Variants in WDFY3 observed in about 807,000 individuals in gnomAD.
WDFY3 encodes WD repeat and FYVE domain-containing protein 3.
A neutral mutation model predicts 409.6 loss-of-function variants in WDFY3; 66 were observed. The observed-to-expected ratio is 0.16, with a 90% confidence interval of 0.13 to 0.20. The LOEUF is 0.20. Among genes scored for constraint, WDFY3 ranks in the 10% least tolerant of loss-of-function variants. The pLI is 1.00. For missense variants in WDFY3, 3,031 were observed against 4,298.1 expected, an observed-to-expected ratio of 0.71 and a Z score of 8.24; for synonymous variants, 1,521 against 1,537.1, an observed-to-expected ratio of 0.99 and a Z score of 0.25.
chr4:84,861,457 T>C (rs960418857), intron 3 of WDFY3, among the ~76,000 whole-genome samples: 3 of 152,186 alleles, frequency 2.0e-5, no homozygotes, highest in Non-Finnish European at 4.4e-5. Flanking sequence ...TCTTATAGAT[T>C]AAAATATGCA....
intron 32 of WDFY3, among the ~76,000 whole-genome samples, chr4:84,762,529 G>A (rs1173051770): frequency 6.6e-6 from 1 of 151,022 alleles, no homozygotes; most frequent in East Asian, 2.0e-4. Context: ...CGAATTAGTG[G>A]GTGCAGCACA....
At chr4:84,945,965 T>C (rs919557388) in intron 1 of WDFY3, among the ~76,000 whole-genome samples, 3 of 152,114 alleles carry the variant, frequency 2.0e-5, no homozygotes, top group Non-Finnish European at 4.4e-5. Context: ...TGACTGCTCC[T>C]GACCATCAAG....
chr4:84,868,982 C>T (rs772236480), intron 3 of WDFY3, among the ~76,000 whole-genome samples: 16 of 152,186 alleles, frequency 1.1e-4, no homozygotes, highest in Non-Finnish European at 7.3e-5. Context: ...ATTCTTGTAA[C>T]GCAATACTTC....
intron 17 of WDFY3, among the ~76,000 whole-genome samples, chr4:84,799,336 A>AT (rs199858688): frequency 2.3e-3 from 217 of 93,590 alleles, no homozygotes; most frequent in East Asian, 0.022. Flanking sequence ...ATATATATAT[A>AT]TATTTTTTTT....
At chr4:84,876,857 A>G (rs1762856100) in intron 3 of WDFY3, among the ~76,000 whole-genome samples, 1 of 152,214 alleles carries the variant, frequency 6.6e-6, no homozygotes, top group African/African-American at 2.4e-5. Flanking sequence ...TTCTCATCCT[A>G]AAGAAAGCTT....
chr4:84,920,439 T>C (rs562541647), intron 2 of WDFY3, among the ~76,000 whole-genome samples: 2 of 152,276 alleles, frequency 1.3e-5, no homozygotes, highest in South Asian at 2.1e-4. Flanking sequence ...ATGAAAAGAA[T>C]AAATGTATGC....
In WDFY3 at chr4:84,842,820, C is replaced by T. The variant is rs187939196; in HGVS notation, c.305-1557G>A. Among the ~76,000 whole-genome samples the T allele has an allele frequency of 3.2e-3, 491 of 152,288 alleles. 1 individual carries two copies. The highest frequency in any genetic ancestry group is 0.011 in the African/African-American group (443 of 41,560). On this transcript the variant is annotated intron_variant, in intron 5 of 67. Coordinates refer to ENST00000295888, the MANE Select transcript of WDFY3 (RefSeq NM_014991.6). ...ACAAAAAACTAATGTATACTTAACA[C>T]ACTTCATAAAGAAGTAGAAAGTAGA...
At chr4:84,939,820 A>G (rs1321645415) in intron 1 of WDFY3, among the ~76,000 whole-genome samples, 2 of 152,042 alleles carry the variant, frequency 1.3e-5, no homozygotes, top group Non-Finnish European at 2.9e-5. Context: ...TTCTGTGAGG[A>G]GCTCTGGTTC....
At chr4:84,722,302 G>T (rs1366373346) in intron 46 of WDFY3, among the ~76,000 whole-genome samples, 1 of 152,050 alleles carries the variant, frequency 6.6e-6, no homozygotes, top group African/African-American at 2.4e-5. Context: ...GTGGAGAATC[G>T]CTTGAACCTG....
intron 30 of WDFY3, among the ~76,000 whole-genome samples, chr4:84,767,689 A>G (rs899431432): frequency 5.3e-5 from 8 of 152,160 alleles, no homozygotes; most frequent in Non-Finnish European, 1.2e-4. Flanking sequence ...TAGATAGAAG[A>G]CTAAATCATC....
chr4:84,945,728 G>A (rs190353796), intron 1 of WDFY3, among the ~76,000 whole-genome samples: 2 of 152,220 alleles, frequency 1.3e-5, no homozygotes, highest in East Asian at 3.9e-4. Context: ...CACTGGATGT[G>A]GGAACGTGGT....
intron 41 of WDFY3, among the ~76,000 whole-genome samples, chr4:84,736,737 A>G (rs950087038): frequency 6.6e-6 from 1 of 152,314 alleles, no homozygotes; most frequent in South Asian, 2.1e-4. Flanking sequence ...GTAATAAGCT[A>G]TAATTTAATA....
Position 84,798,013 on chromosome 4 carries a change from T to G in WDFY3, c.2918A>C (p.Tyr973Ser). ...YRVHKPSSLS[Y>S]EPEMRSSMIT... ...AAACTTACTTCTCATTTCTGGTTCATAACTCAGTGAACTTGGTTTGTGGAC... is the reference window on the plus strand; with the variant it reads ...AAACTTACTTCTCATTTCTGGTTCAGAACTCAGTGAACTTGGTTTGTGGAC... The change falls in exon 18 of 68, where the codon TAT becomes TCT. Residue 973 changes from tyrosine to serine, a missense_variant. This residue lies in a region of WDFY3 where 1,322 missense variants were observed against 1,697.9 expected (regional missense o/e 0.78). Transcript: ENST00000295888. 1 of 1,611,758 alleles carries G rather than the reference T, an allele frequency of 6.2e-7. No individual in the cohort carries two copies. Among genetic ancestry groups the G allele is most frequent in the Non-Finnish European group, 8.5e-7 (1 of 1,179,132 alleles).
intron 51 of WDFY3, 139 bp from the exon 52 acceptor site, chr4:84,709,486 T>C: frequency 3.1e-6 from 2 of 646,804 alleles, no homozygotes; most frequent in Non-Finnish European, 5.3e-6. Context: ...ATAAAATCAG[T>C]TTAGTGGGTT....
intron 9 of WDFY3, among the ~76,000 whole-genome samples, chr4:84,827,584 T>C (rs1029409862): frequency 1.3e-5 from 2 of 152,134 alleles, no homozygotes; most frequent in Non-Finnish European, 2.9e-5. Flanking sequence ...GATTATATCT[T>C]TAGGATCAAT....
intron 37 of WDFY3, among the ~76,000 whole-genome samples, chr4:84,743,222 T>C (rs1738769789): frequency 6.6e-6 from 1 of 152,218 alleles, no homozygotes; most frequent in African/African-American, 2.4e-5. Flanking sequence ...TCACTGTAAA[T>C]GTATTAAGTT....
chr4:84,704,599 C>T (rs533358478), intron 54 of WDFY3, among the ~76,000 whole-genome samples, 155 bp from the exon 55 acceptor site: 1 of 152,316 alleles, frequency 6.6e-6, no homozygotes, highest in African/African-American at 2.4e-5. Context: ...CTTCAGGACA[C>T]CACTACCCCT....
At chr4:84,758,607 A>C (rs1227188581) in intron 32 of WDFY3, among the ~76,000 whole-genome samples, 7 of 152,176 alleles carry the variant, frequency 4.6e-5, no homozygotes, top group African/African-American at 1.4e-4. Flanking sequence ...TACATATTAC[A>C]ACTGCTATTT....
chr4:84,731,760 T>C (rs1451661428), intron 44 of WDFY3, among the ~76,000 whole-genome samples: 1 of 152,154 alleles, frequency 6.6e-6, no homozygotes, highest in Non-Finnish European at 1.5e-5. Context: ...TGTAAACAAA[T>C]GACATTATTA....
Sources: allele counts gnomAD v4.1 joint callset (sites outside exome capture counted in the v4.1 genomes callset), GRCh38; gene constraint gnomAD v4.1.1; regional missense constraint gnomAD v4.1.1; transcripts MANE v1.5; gene names NCBI Gene and HGNC (gene_info 2026-07-23, HGNC 2026-07-21).